SLC4A1AP: variants seen among roughly 807,000 people sequenced by gnomAD.
SLC4A1AP encodes the protein kanadaptin.
Under a neutral mutation model 89.7 loss-of-function variants are expected in SLC4A1AP, and 64 were observed. The observed-to-expected ratio is 0.71, with a 90% CI of 0.58 to 0.88. SLC4A1AP has a LOEUF of 0.88. Among genes scored for constraint, SLC4A1AP ranks in the 40% least tolerant of loss-of-function variants. The pLI is 0.00. For synonymous variants in SLC4A1AP, 366 were observed against 353.3 expected (o/e 1.04, Z -0.40); for missense variants, 931 against 965.0 (o/e 0.96, Z 0.47).
intron 13 of SLC4A1AP, among the ~76,000 whole-genome samples, chr2:27,694,215 G>A (rs950057441): frequency 1.3e-5 from 2 of 152,200 alleles, no homozygotes; most frequent in East Asian, 1.9e-4. Flanking sequence ...GTAGAGAGGA[G>A]CATCTATAGA....
intron 13 of SLC4A1AP, 28 bp downstream of exon 13, chr2:27,693,782 T>G (rs2148143126): frequency 6.5e-7 from 1 of 1,543,036 alleles, no homozygotes; most frequent in Non-Finnish European, 8.9e-7. Flanking sequence ...TTTTTTCCTC[T>G]AAGGTTCATT....
chr2:27,675,651 G>C lies in SLC4A1AP; in HGVS notation c.1465G>C (p.Ala489Pro), dbSNP rs1195662745. The change falls in exon 6 of 14, where the codon GCT becomes CCT. Residue 489 changes from alanine to proline, a missense_variant. By Grantham distance (27) the Ala-to-Pro change is conservative (BLOSUM62 -1). Coordinates refer to ENST00000613058, the Ensembl canonical transcript of SLC4A1AP. ...GAAGCGTCTGAACAGAATGAAGAAG[G>C]CTGGCAAGATTGATGAGAAGCCAGA... 1.7e-5 allele frequency: 27 copies of C among 1,601,264 alleles called. No homozygotes were observed. The highest frequency in any genetic ancestry group is 2.1e-5 in the Non-Finnish European group (25 of 1,172,632).
At chr2:27,676,409 T>C (rs1675523727) in intron 6 of SLC4A1AP, among the ~76,000 whole-genome samples, 1 of 152,256 alleles carries the variant, frequency 6.6e-6, no homozygotes, top group South Asian at 2.1e-4. Flanking sequence ...TTGATTTATG[T>C]GAAAACAAAT....
In SLC4A1AP at chr2:27,685,020, T is replaced by C; in HGVS notation, c.1876-17T>C. 6 of 1,573,036 alleles carry C rather than the reference T, an allele frequency of 3.8e-6. No individual in the cohort carries two copies. The highest frequency in any genetic ancestry group is 5.2e-6 in the Non-Finnish European group (6 of 1,163,962). On this transcript the variant is annotated splice_polypyrimidine_tract_variant and intron_variant, in intron 9 of 13. Coordinates refer to ENST00000613058, the Ensembl canonical transcript of SLC4A1AP. The stretch of plus-strand genomic sequence containing the variant: ...ATTAAGTAGAACTACTTGTTCATGG[T>C]TTTGTTTCCCTCTTAGAAGTTACCC...
intron 9 of SLC4A1AP, among the ~76,000 whole-genome samples, chr2:27,683,601 C>T (rs1041257301): frequency 2.0e-5 from 3 of 152,130 alleles, no homozygotes; most frequent in Non-Finnish European, 2.9e-5. Context: ...ATTTAATTTA[C>T]AGTCATATTC....
exon 2 of SLC4A1AP, chr2:27,665,234 C>A: frequency 6.2e-7 from 1 of 1,613,140 alleles, no homozygotes. Context: ...AAATGGATAC[C>A]TCTGAAAGGA....
intron 7 of SLC4A1AP, 45 bp from the exon 8 acceptor site, chr2:27,677,693 T>C (rs775791308): frequency 1.1e-5 from 17 of 1,482,136 alleles, no homozygotes; most frequent in African/African-American, 1.4e-5. Context: ...TTTTAAAATA[T>C]TCAGGATCAT....
chr2:27,686,917 G>T (rs552362953), intron 10 of SLC4A1AP, among the ~76,000 whole-genome samples: 2 of 152,194 alleles, frequency 1.3e-5, no homozygotes, highest in African/African-American at 4.8e-5. Context: ...ACCCAGGTTG[G>T]AGTACTGTGG....
intron 8 of SLC4A1AP, among the ~76,000 whole-genome samples, chr2:27,678,218 A>G (rs896949180): frequency 2.0e-5 from 3 of 152,188 alleles, no homozygotes; most frequent in African/African-American, 7.2e-5. Context: ...TTTAAAAAGC[A>G]TCATGCACAA....
At chr2:27,670,938 T>C (rs1393644241) in intron 5 of SLC4A1AP, among the ~76,000 whole-genome samples, 37 of 141,172 alleles carry the variant, frequency 2.6e-4, no homozygotes, top group Admixed American at 8.8e-4. Flanking sequence ...TTTTTTTTTT[T>C]TTTGAGATGG....
Position 27,665,098 on chromosome 2 carries a change from A to G in SLC4A1AP, c.826-2A>G, listed in dbSNP as rs1313074786. 4 of 1,606,188 alleles carry G rather than the reference A, an allele frequency of 2.5e-6. No homozygotes were observed. The African/African-American group carries it at 5.4e-5, about 22-fold the overall frequency. ...ATAACCTTTTTTTCCTTGGTTCATC[A>G]GGGACCAGAGGAAGACCGAGAGGCA... On this transcript the variant is annotated splice_acceptor_variant, in intron 1 of 13. Transcript: ENST00000613058. LOFTEE classifies it high-confidence loss of function.
At chr2:27,664,182 T>C in exon 1 of SLC4A1AP, 1 of 1,614,056 alleles carries the variant, frequency 6.2e-7, no homozygotes, top group South Asian at 1.1e-5. Context: ...AGCGGTTTCT[T>C]CCCCTGGCGG....
chr2:27,677,335 T>C, exon 7 of SLC4A1AP: 1 of 1,613,564 alleles, frequency 6.2e-7, no homozygotes, highest in Non-Finnish European at 8.5e-7. Flanking sequence ...CTTTCTGAAA[T>C]TTCTGAGAGA....
At chr2:27,665,162 C>T in exon 2 of SLC4A1AP, 1 of 1,613,574 alleles carries the variant, frequency 6.2e-7, no homozygotes, top group Non-Finnish European at 8.5e-7. Flanking sequence ...AGGAATTGCG[C>T]AAGCAGCAGC....
intron 13 of SLC4A1AP, 102 bp from the exon 14 acceptor site, chr2:27,694,532 T>G: frequency 1.3e-6 from 1 of 769,280 alleles, no homozygotes. Flanking sequence ...GAATAAACCT[T>G]TTTGTCTATT....
chr2:27,682,331 A>C, exon 9 of SLC4A1AP: 1 of 1,613,452 alleles, frequency 6.2e-7, no homozygotes, highest in Non-Finnish European at 8.5e-7. Flanking sequence ...GGAGGAAGCA[A>C]ATTCAAATTA....
At chr2:27,694,100 A>T (rs943825249) in intron 13 of SLC4A1AP, among the ~76,000 whole-genome samples, 1 of 152,228 alleles carries the variant, frequency 6.6e-6, no homozygotes, top group African/African-American at 2.4e-5. Flanking sequence ...CCAAGTCAAA[A>T]GAAAGGAAAA....
At chr2:27,677,911 C>T in exon 8 of SLC4A1AP, 2 of 1,592,108 alleles carry the variant, frequency 1.3e-6, no homozygotes, top group Non-Finnish European at 1.7e-6. Flanking sequence ...AGCAGAGATT[C>T]CAGAACTAAA....
chr2:27,685,491 C>G (rs537959173), intron 10 of SLC4A1AP, among the ~76,000 whole-genome samples: 3 of 152,324 alleles, frequency 2.0e-5, no homozygotes, highest in African/African-American at 4.8e-5. Context: ...TATTTCCAAT[C>G]CATTCCAGAA....
Sources: gnomAD v4.1 joint callset for allele counts (sites outside exome capture counted in the v4.1 genomes callset) on GRCh38, gnomAD v4.1.1 for gene constraint, MANE v1.5 for transcripts, NCBI Gene and HGNC (gene_info 2026-07-23, HGNC 2026-07-21) for gene names.